The following GLIS3 variants were observed in gnomAD, a reference collection of about 807,000 sequenced individuals.
The protein encoded by GLIS3 is GLIS family zinc finger 3.
Under a neutral mutation model 78.6 loss-of-function variants are expected in GLIS3, and 53 were observed. That is an observed-to-expected ratio of 0.67 (90% CI 0.54 to 0.85). The LOEUF (loss-of-function observed/expected upper bound fraction) is 0.85, where lower values mean the gene tolerates loss of function less well. GLIS3 is among the 40% of genes least tolerant of loss of function. The pLI, the probability that GLIS3 is intolerant of heterozygous loss-of-function variation, is 0.00. For missense variants in GLIS3, 1,703 were observed against 1,231.1 expected (o/e 1.38, Z -5.74); for synonymous variants, 684 against 509.9 (o/e 1.34, Z -4.60).
chr9:4,095,258 G>C (rs1360182005), intron 4 of GLIS3, among the ~76,000 whole-genome samples: 1 of 151,934 alleles, frequency 6.6e-6, no homozygotes, highest in Non-Finnish European at 1.5e-5. Flanking sequence ...TCTACTTCTG[G>C]ACATAAATGT....
chr9:4,237,058 T>C (rs1364807714), intron 2 of GLIS3, among the ~76,000 whole-genome samples: 1 of 151,100 alleles, frequency 6.6e-6, no homozygotes, highest in East Asian at 1.9e-4. Context: ...ATCACAGAAA[T>C]GTTTTAGAAA....
intron 2 of GLIS3, among the ~76,000 whole-genome samples, chr9:4,162,595 C>T (rs568696256): frequency 2.6e-5 from 4 of 152,296 alleles, no homozygotes; most frequent in South Asian, 4.1e-4. Context: ...TGCGGTGGCT[C>T]ACGCCTGTAA....
At chr9:4,349,295 C>A (rs562159082), upstream of GLIS3, among the ~76,000 whole-genome samples, 24 of 152,278 alleles carry the variant, frequency 1.6e-4, no homozygotes, top group Admixed American at 2.0e-4. Flanking sequence ...TTTTATGCAA[C>A]CATATTTCTC....
At chr9:4,212,049 G>A (rs1039593789) in intron 2 of GLIS3, among the ~76,000 whole-genome samples, 1 of 152,174 alleles carries the variant, frequency 6.6e-6, no homozygotes, top group Non-Finnish European at 1.5e-5. Flanking sequence ...AATGTGCAGA[G>A]GAATCTTACT....
intron 2 of GLIS3, among the ~76,000 whole-genome samples, chr9:4,142,153 T>C (rs531649710): frequency 6.6e-6 from 1 of 152,308 alleles, no homozygotes; most frequent in Non-Finnish European, 1.5e-5. Flanking sequence ...TAATACATAT[T>C]GATGCCAGTA....
intron 4 of GLIS3, among the ~76,000 whole-genome samples, chr9:3,954,959 G>C (rs1409578345): frequency 6.6e-6 from 1 of 152,156 alleles, no homozygotes; most frequent in Non-Finnish European, 1.5e-5. Flanking sequence ...TAAGCCGGTG[G>C]ATAAAAATAA....
chr9:4,217,621 T>C (rs1411688043), intron 2 of GLIS3, among the ~76,000 whole-genome samples: 1 of 152,160 alleles, frequency 6.6e-6, no homozygotes, highest in African/African-American at 2.4e-5. Context: ...AGACATGCCT[T>C]ATGTATATAT....
At chr9:4,050,794 A>G (rs752199621) in intron 4 of GLIS3, among the ~76,000 whole-genome samples, 4 of 152,048 alleles carry the variant, frequency 2.6e-5, no homozygotes, top group Non-Finnish European at 5.9e-5. Flanking sequence ...CACTGGCATC[A>G]CTTTTACAAG....
chr9:4,384,094 G>C, the GLIS3 span, among the ~76,000 whole-genome samples: 1 of 152,228 alleles, frequency 6.6e-6, no homozygotes, highest in Non-Finnish European at 1.5e-5. Flanking sequence ...TACTGAAGAA[G>C]TTGTGGCCTT....
At chr9:4,458,692 G>T in the GLIS3 span, among the ~76,000 whole-genome samples, 1 of 152,176 alleles carries the variant, frequency 6.6e-6, no homozygotes, top group Non-Finnish European at 1.5e-5. Flanking sequence ...GGACTACTCG[G>T]GAGGCTGAGG....
At chr9:3,891,595 A>G (rs1208689689) in intron 7 of GLIS3, among the ~76,000 whole-genome samples, 1 of 152,160 alleles carries the variant, frequency 6.6e-6, no homozygotes, top group African/African-American at 2.4e-5. Flanking sequence ...TCAGCTACTC[A>G]GAAGGCTGAG....
At chr9:4,399,713 G>C in the GLIS3 span, among the ~76,000 whole-genome samples, 2 of 152,166 alleles carry the variant, frequency 1.3e-5, no homozygotes, top group Admixed American at 6.5e-5. Flanking sequence ...GAAGCTGTAA[G>C]TAACAAGTAA....
chr9:4,110,496 G>C (rs1831121133), intron 4 of GLIS3, among the ~76,000 whole-genome samples: 1 of 152,058 alleles, frequency 6.6e-6, no homozygotes, highest in Non-Finnish European at 1.5e-5. Flanking sequence ...CCAAGAAAAG[G>C]AAAATAAATA....
chr9:4,236,204 A>AAAAAAAAAAAAAAAAAAAAAAAAAAG (rs536737911), intron 2 of GLIS3, among the ~76,000 whole-genome samples: 62 of 86,382 alleles, frequency 7.2e-4, no homozygotes, highest in East Asian at 2.3e-3. Flanking sequence ...AAAAAAAAAA[A>AAAAAAAAAAAAAAAAAAAAAAAAAAG]AAAGAAAGAA....
At chr9:4,174,803 A>G (rs1816677915) in intron 2 of GLIS3, among the ~76,000 whole-genome samples, 1 of 152,182 alleles carries the variant, frequency 6.6e-6, no homozygotes, top group South Asian at 2.1e-4. Flanking sequence ...CGTTGATTCC[A>G]CTTTTAATTA....
At chr9:4,402,999 A>G in the GLIS3 span, among the ~76,000 whole-genome samples, 2 of 152,238 alleles carry the variant, frequency 1.3e-5, no homozygotes. Context: ...TAACCCAAAG[A>G]AGACTACTTC....
the GLIS3 span, among the ~76,000 whole-genome samples, chr9:4,357,594 T>G: frequency 6.6e-6 from 1 of 151,712 alleles, no homozygotes; most frequent in Non-Finnish European, 1.5e-5. Context: ...TGTGTGCATG[T>G]GTATGTGTCT....
chr9:4,467,359 G>A, the GLIS3 span, among the ~76,000 whole-genome samples: 1 of 152,306 alleles, frequency 6.6e-6, no homozygotes, highest in South Asian at 2.1e-4. Flanking sequence ...AGCCCGAGTA[G>A]TATAACTAGG....
At chr9:3,859,220 A>C (rs1157893713) in intron 8 of GLIS3, among the ~76,000 whole-genome samples, 1 of 152,206 alleles carries the variant, frequency 6.6e-6, no homozygotes, top group East Asian at 1.9e-4. Flanking sequence ...ACAAACAAAC[A>C]GAAAACACAC....
Sources: gnomAD v4.1 joint callset for allele counts (sites outside exome capture counted in the v4.1 genomes callset) on GRCh38, gnomAD v4.1.1 for gene constraint, MANE v1.5 for transcripts, NCBI Gene and HGNC (gene_info 2026-07-23, HGNC 2026-07-21) for gene names.